Variants in TLE1 observed in about 807,000 individuals in gnomAD.
TLE1 encodes the protein TLE family member 1, transcriptional corepressor, also known as transducin-like enhancer protein 1.
Under a neutral mutation model 89.8 loss-of-function variants are expected in TLE1, and 21 were observed. The ratio of observed to expected loss-of-function variants is 0.23; its 90% confidence interval spans 0.17 to 0.34. The LOEUF is 0.34. Among genes scored for constraint, TLE1 ranks in the 10% least tolerant of loss-of-function variants. TLE1 has a pLI of 1.00. For synonymous variants in TLE1, 447 were observed against 407.6 expected (o/e 1.10, Z -1.16); for missense variants, 795 against 1,031.2 (o/e 0.77, Z 3.14).
chr9:81,587,629 C>T, intron 17 of TLE1, 52 bp downstream of exon 17: 1 of 1,551,278 alleles, frequency 6.4e-7, no homozygotes, highest in Non-Finnish European at 8.7e-7. Flanking sequence ...AGGAGGAAGA[C>T]ACACCCCAGC....
chr9:81,671,421 C>T (rs1040807065), intron 4 of TLE1, among the ~76,000 whole-genome samples: 4 of 151,720 alleles, frequency 2.6e-5, no homozygotes, highest in Admixed American at 2.0e-4. Context: ...CCAAGGTGGG[C>T]GGATCACAAG....
chr9:81,631,259 T>G (rs1826563775), intron 8 of TLE1, among the ~76,000 whole-genome samples: 1 of 152,226 alleles, frequency 6.6e-6, no homozygotes, highest in Non-Finnish European at 1.5e-5. Flanking sequence ...AACCCATGAA[T>G]TAAGTACTTG....
Position 81,613,467 on chromosome 9 carries a change from C to T in TLE1, c.973G>A (p.Asp325Asn), listed in dbSNP as rs748479205. The change falls in exon 12 of 20, where the codon GAC becomes AAC. Residue 325 changes from aspartate (D) to asparagine (N), a missense_variant. By Grantham distance (23) the Asp-to-Asn change is conservative. Around this residue, in one of 4 missense-constraint regions of TLE1, gnomAD observed 468 missense variants for 509.1 expected, o/e 0.92. Coordinates refer to ENST00000376499, the MANE Select transcript of TLE1 (RefSeq NM_005077.5). ...LKSSTPTPRS[D>N]MPTPGTSATP... ...GCGCTGGTGCCCGGCGTTGGCATGT[C>T]GCTCCGAGGCGTTGGTGTGCTGGAT... is the stretch of plus-strand genomic sequence containing the variant. 6.8e-6 allele frequency: 11 copies of T among 1,614,190 alleles called. No homozygotes were observed. Among genetic ancestry groups the T allele is most frequent in the South Asian group, 1.1e-5 (1 of 91,084 alleles).
At chr9:81,675,708 GTTTT>G (rs61458315) in intron 4 of TLE1, among the ~76,000 whole-genome samples, 1 of 132,440 alleles carries the variant, frequency 7.6e-6, no homozygotes, top group African/African-American at 3.0e-5. Flanking sequence ...GTTTTTTTTT[GTTTT>G]TTTTTTTGAG....
chr9:81,589,770 A>C (rs1829214191), intron 16 of TLE1, among the ~76,000 whole-genome samples: 1 of 152,236 alleles, frequency 6.6e-6, no homozygotes, highest in African/African-American at 2.4e-5. Flanking sequence ...AAAAAAGAAA[A>C]AAACAAGTAA....
intron 6 of TLE1, among the ~76,000 whole-genome samples, chr9:81,636,661 A>T (rs1182361843): frequency 6.6e-6 from 1 of 152,114 alleles, no homozygotes; most frequent in Non-Finnish European, 1.5e-5. Context: ...CAGAGGTGGG[A>T]TTCTTATGTC....
chr9:81,648,438 C>T (rs942470165), intron 6 of TLE1, among the ~76,000 whole-genome samples: 1 of 151,854 alleles, frequency 6.6e-6, no homozygotes, highest in African/African-American at 2.4e-5. Context: ...TGTGGGTTAC[C>T]AGGTATACAC....
At chr9:81,637,486 A>ATATC (rs1431438403) in intron 6 of TLE1, among the ~76,000 whole-genome samples, 1 of 152,154 alleles carries the variant, frequency 6.6e-6, no homozygotes, top group African/African-American at 2.4e-5. Context: ...AGTTTGACTA[A>ATATC]TATCTATCAA....
intron 9 of TLE1, 37 bp from the exon 10 acceptor site, chr9:81,616,736 C>T (rs1824565299): frequency 6.2e-7 from 1 of 1,612,058 alleles, no homozygotes; most frequent in Non-Finnish European, 8.5e-7. Flanking sequence ...TTACTAAAAG[C>T]TAAGAATAGG....
intron 6 of TLE1, among the ~76,000 whole-genome samples, chr9:81,635,611 T>G (rs1166709603): frequency 6.6e-6 from 1 of 152,166 alleles, no homozygotes; most frequent in Non-Finnish European, 1.5e-5. Context: ...TGTTAGAAAA[T>G]TCTCCAGATT....
intron 6 of TLE1, among the ~76,000 whole-genome samples, chr9:81,640,911 G>T (rs1029048470): frequency 6.6e-6 from 1 of 152,044 alleles, no homozygotes; most frequent in African/African-American, 2.4e-5. Flanking sequence ...ACCAACCATG[G>T]AATCAACTTT....
At chr9:81,631,491 G>C (rs1444118251) in intron 8 of TLE1, among the ~76,000 whole-genome samples, 1 of 152,140 alleles carries the variant, frequency 6.6e-6, no homozygotes, top group East Asian at 1.9e-4. Context: ...CTCCAGTCTT[G>C]CTTCTTTTAG....
chr9:81,595,581 G>A (rs1326174481), intron 14 of TLE1, among the ~76,000 whole-genome samples: 1 of 152,122 alleles, frequency 6.6e-6, no homozygotes, highest in Admixed American at 6.5e-5. Flanking sequence ...CACTCTGGGA[G>A]GCCAAGGCGG....
At chr9:81,672,375 C>T (rs929098736) in intron 4 of TLE1, among the ~76,000 whole-genome samples, 14 of 151,208 alleles carry the variant, frequency 9.3e-5, no homozygotes, top group African/African-American at 3.2e-4. Context: ...CTCTTTTTGC[C>T]CAGGCTGGAG....
chr9:81,659,007 A>G (rs2627003), intron 4 of TLE1, among the ~76,000 whole-genome samples: 1 of 151,714 alleles, frequency 6.6e-6, no homozygotes, highest in East Asian at 1.9e-4. Context: ...CTCCCTGGTT[A>G]AAGCAATTCT....
At chr9:81,666,181 G>A (rs1352224279) in intron 4 of TLE1, among the ~76,000 whole-genome samples, 2 of 152,082 alleles carry the variant, frequency 1.3e-5, no homozygotes, top group African/African-American at 4.8e-5. Flanking sequence ...ACAGCTTTTG[G>A]TGGGCTTAAA....
chr9:81,667,046 A>G (rs374163627), intron 4 of TLE1, among the ~76,000 whole-genome samples: 1 of 151,842 alleles, frequency 6.6e-6, no homozygotes, highest in East Asian at 2.0e-4. Context: ...TGTTCGGAGT[A>G]ATCCTTGGTT....
At chr9:81,652,336 C>G in intron 5 of TLE1, 48 bp from the exon 6 acceptor site, 1 of 1,539,106 alleles carries the variant, frequency 6.5e-7, no homozygotes. Context: ...CCAAAAACTT[C>G]ACTGTATATT....
intron 14 of TLE1, among the ~76,000 whole-genome samples, chr9:81,605,426 A>T (rs2131986718): frequency 6.6e-6 from 1 of 152,140 alleles, no homozygotes; most frequent in East Asian, 1.9e-4. Flanking sequence ...AAATGTACCT[A>T]TCTTTGACTT....
Sources: allele counts gnomAD v4.1 joint callset (sites outside exome capture counted in the v4.1 genomes callset), GRCh38; gene constraint gnomAD v4.1.1; regional missense constraint gnomAD v4.1.1; transcripts MANE v1.5; gene names NCBI Gene and HGNC (gene_info 2026-07-23, HGNC 2026-07-21).